PPP1R1C: variants seen among roughly 807,000 people sequenced by gnomAD.
The protein encoded by PPP1R1C is protein phosphatase 1 regulatory subunit 1C.
In PPP1R1C, 15 loss-of-function variants were observed where a neutral mutation model predicts 17.4. That is an observed-to-expected ratio of 0.86 (90% CI 0.58 to 1.33). The LOEUF (loss-of-function observed/expected upper bound fraction) is 1.33, where lower values mean the gene tolerates loss of function less well. Among genes scored for constraint, PPP1R1C ranks in the 40% most tolerant of loss-of-function variants. PPP1R1C has a pLI of 0.00. For missense variants in PPP1R1C, 143 were observed against 130.0 expected (o/e 1.10, Z -0.48); for synonymous variants, 35 against 43.1 (o/e 0.81, Z 0.73).
At chr2:181,979,247 C>CCATA (rs1685151023) in intron 2 of PPP1R1C, among the ~76,000 whole-genome samples, 1 of 152,138 alleles carries the variant, frequency 6.6e-6, no homozygotes, top group South Asian at 2.1e-4. Flanking sequence ...TGATATGACC[C>CCATA]CATATACTAG....
intron 4 of PPP1R1C, among the ~76,000 whole-genome samples, chr2:182,074,241 C>T (rs1030319037): frequency 6.6e-6 from 1 of 151,846 alleles, no homozygotes; most frequent in African/African-American, 2.4e-5. Flanking sequence ...CGGGGTTTCA[C>T]CATATTAGCC....
At chr2:182,052,120 T>C (rs1687539998) in intron 2 of PPP1R1C, among the ~76,000 whole-genome samples, 2 of 152,174 alleles carry the variant, frequency 1.3e-5, no homozygotes, top group South Asian at 4.1e-4. Context: ...AGTTAAAAGG[T>C]ATCAAATACC....
intron 1 of PPP1R1C, among the ~76,000 whole-genome samples, chr2:181,959,299 C>T (rs1411985384): frequency 6.6e-6 from 1 of 152,128 alleles, no homozygotes; most frequent in African/African-American, 2.4e-5. Flanking sequence ...ACTACTCTCC[C>T]CACACATATG....
At chr2:182,122,658 G>C (rs527308140), downstream of PPP1R1C, among the ~76,000 whole-genome samples, 3 of 152,058 alleles carry the variant, frequency 2.0e-5, no homozygotes, top group Admixed American at 1.3e-4. Flanking sequence ...AATATGGAAA[G>C]ATAAAATGGC....
intron 4 of PPP1R1C, among the ~76,000 whole-genome samples, chr2:182,085,157 T>G (rs978198732): frequency 1.3e-5 from 2 of 152,076 alleles, no homozygotes; most frequent in African/African-American, 4.8e-5. Flanking sequence ...AGGAGTATTT[T>G]GGATGGATCT....
At chr2:182,026,386 A>G (rs1458387664) in intron 2 of PPP1R1C, among the ~76,000 whole-genome samples, 3 of 139,248 alleles carry the variant, frequency 2.2e-5, no homozygotes, top group East Asian at 2.0e-4. Context: ...TGATTTTTGT[A>G]TAAGGTGTAA....
At chr2:181,991,274 G>T (rs906084056) in intron 2 of PPP1R1C, among the ~76,000 whole-genome samples, 5 of 152,066 alleles carry the variant, frequency 3.3e-5, no homozygotes, top group African/African-American at 9.7e-5. Context: ...ATCTATGCTG[G>T]TCTAAACACA....
At chr2:182,070,549 A>G (rs982205600) in intron 4 of PPP1R1C, among the ~76,000 whole-genome samples, 1 of 152,240 alleles carries the variant, frequency 6.6e-6, no homozygotes, top group Non-Finnish European at 1.5e-5. Flanking sequence ...ATATTTTAGA[A>G]CAGGTTTGGA....
At chr2:181,972,517 A>G (rs1358173168) in intron 1 of PPP1R1C, among the ~76,000 whole-genome samples, 3 of 152,146 alleles carry the variant, frequency 2.0e-5, no homozygotes, top group Non-Finnish European at 4.4e-5. Flanking sequence ...ACAATACATC[A>G]ACAAAGTCCA....
chr2:182,070,157 A>G (rs564348238), intron 4 of PPP1R1C, among the ~76,000 whole-genome samples: 1 of 152,360 alleles, frequency 6.6e-6, no homozygotes, highest in Admixed American at 6.5e-5. Flanking sequence ...GGCCACTTTC[A>G]GATCACAGAA....
intron 2 of PPP1R1C, among the ~76,000 whole-genome samples, chr2:182,032,420 C>A (rs1037864467): frequency 2.6e-5 from 4 of 152,164 alleles, no homozygotes; most frequent in African/African-American, 9.7e-5. Flanking sequence ...ATCCAACATA[C>A]CATATAATTA....
intron 2 of PPP1R1C, among the ~76,000 whole-genome samples, chr2:181,990,133 A>G (rs1167679527): frequency 1.4e-5 from 2 of 143,474 alleles, no homozygotes; most frequent in Non-Finnish European, 3.0e-5. Context: ...GATATCTCCA[A>G]GCTTTCTTTT....
At chr2:182,073,393 T>C (rs1306887060) in intron 4 of PPP1R1C, among the ~76,000 whole-genome samples, 4 of 152,206 alleles carry the variant, frequency 2.6e-5, no homozygotes, top group African/African-American at 9.6e-5. Flanking sequence ...ATCATTGGCT[T>C]AATTTTAGCC....
At chr2:181,986,846 A>C (rs1376077971) in intron 1 of PPP1R1C, among the ~76,000 whole-genome samples, 1 of 152,210 alleles carries the variant, frequency 6.6e-6, no homozygotes, top group Non-Finnish European at 1.5e-5. Flanking sequence ...TTCTTGATGC[A>C]ATGGCATCTC....
intron 2 of PPP1R1C, among the ~76,000 whole-genome samples, chr2:182,002,751 A>T (rs1479681089): frequency 2.6e-5 from 4 of 152,150 alleles, no homozygotes; most frequent in Non-Finnish European, 4.4e-5. Flanking sequence ...ACATGCTTTA[A>T]AATCTCAAAA....
At chr2:181,969,941 T>C (rs950381816) in intron 1 of PPP1R1C, among the ~76,000 whole-genome samples, 1 of 152,246 alleles carries the variant, frequency 6.6e-6, no homozygotes, top group African/African-American at 2.4e-5. Flanking sequence ...CCAGAATTTC[T>C]GTTTGATTCT....
At chr2:182,081,619 A>G (rs1384099520) in intron 4 of PPP1R1C, among the ~76,000 whole-genome samples, 1 of 152,234 alleles carries the variant, frequency 6.6e-6, no homozygotes, top group Non-Finnish European at 1.5e-5. Flanking sequence ...AAATACAGCT[A>G]TCAGAGTTAA....
At chr2:182,130,060 T>C (rs946062514), downstream of PPP1R1C, 1 of 152,172 alleles carries the variant, frequency 6.6e-6, no homozygotes, top group Admixed American at 6.5e-5. Context: ...ATAACCTTTA[T>C]CATGTAAAAT....
intron 2 of PPP1R1C, among the ~76,000 whole-genome samples, chr2:181,989,743 A>G (rs1685404847): frequency 6.6e-6 from 1 of 152,090 alleles, no homozygotes; most frequent in Admixed American, 6.6e-5. Context: ...TTTAAGCACC[A>G]CTGGAGACAA....
Sources: gnomAD v4.1 joint callset for allele counts (sites outside exome capture counted in the v4.1 genomes callset) on GRCh38, gnomAD v4.1.1 for gene constraint, MANE v1.5 for transcripts, NCBI Gene and HGNC (gene_info 2026-07-23, HGNC 2026-07-21) for gene names.